NDE1: variants seen among roughly 807,000 people sequenced by gnomAD.
NDE1 encodes the protein nudE neurodevelopment protein 1.
In NDE1, 28 loss-of-function variants were observed where a neutral mutation model predicts 43.4. That is an observed-to-expected ratio of 0.65 (90% CI 0.48 to 0.89). NDE1 has a LOEUF of 0.89. Ranked by LOEUF, NDE1 falls within the 40% of genes least tolerant of loss-of-function variation. The probability of loss-of-function intolerance (pLI) is 0.00; values close to 1 mark genes in which losing one functional copy is unlikely to be tolerated. For synonymous variants in NDE1, 184 were observed against 172.0 expected, an observed-to-expected ratio of 1.07 and a Z score of -0.55; for missense variants, 441 against 434.1, an observed-to-expected ratio of 1.02 and a Z score of -0.14.
chr16:15,695,768 T>C (rs1053356995), intron 7 of NDE1: 31 of 932,184 alleles, frequency 3.3e-5, no homozygotes, highest in Middle Eastern at 5.5e-4. Flanking sequence ...TGGTTTGCTA[T>C]TCTAGAAGCA....
intron 8 of NDE1, 35 bp downstream of exon 8, chr16:15,696,895 G>A: frequency 3.1e-6 from 5 of 1,606,880 alleles, no homozygotes; most frequent in Admixed American, 1.7e-5. Flanking sequence ...CGCTGGCGGG[G>A]AGAACCCGCC....
In NDE1 at chr16:15,687,219, A is replaced by G. The variant is rs753600196; in HGVS notation, c.387-156A>G. Reference sequence around the variant, plus strand: ...TGCAGGTAAAGAGCCCATGCCCCAGAAGGTTAAGGGACTTGGCCCACTCTG... The same window carrying G: ...TGCAGGTAAAGAGCCCATGCCCCAGGAGGTTAAGGGACTTGGCCCACTCTG... On this transcript the variant is annotated intron_variant, in intron 4 of 8. Coordinates refer to ENST00000396354, the MANE Select transcript of NDE1 (RefSeq NM_017668.3). 6.5e-6 allele frequency: 10 copies of G among 1,542,168 alleles called. No homozygotes were observed. The South Asian group carries it at 9.4e-5, about 14-fold the overall frequency.
At chr16:15,718,652 A>T in intron 8 of NDE1, 1 of 658,950 alleles carries the variant, frequency 1.5e-6, no homozygotes, top group East Asian at 2.8e-5. Context: ...TGGGATTGGG[A>T]TGGGGACCAG....
At chr16:15,660,847 C>T (rs1433406617) in intron 1 of NDE1, among the ~76,000 whole-genome samples, 1 of 152,128 alleles carries the variant, frequency 6.6e-6, no homozygotes, top group African/African-American at 2.4e-5. Context: ...TCCTGATTCT[C>T]ATCTCTCTCA....
At chr16:15,720,222 C>T in intron 8 of NDE1, 1 of 1,614,126 alleles carries the variant, frequency 6.2e-7, no homozygotes. Flanking sequence ...AGCTCCAGGT[C>T]TTTCAGGTCC....
rs1567613374 is a variant in NDE1 at position 15,652,000 on chromosome 16, CGG to C, written c.-44+1708_-44+1709del. On this transcript the variant is annotated intron_variant, in intron 1 of 8. Coordinates refer to ENST00000396354, the MANE Select transcript of NDE1 (RefSeq NM_017668.3). ...TCGACTCACTGCAACCTCAGTCCTC[CGG>C]GTTCAAGTGATTCTTCTGCCTCACC... 9 of 152,072 alleles carry C rather than the reference CGG, an allele frequency of 5.9e-5. No homozygotes were observed. The East Asian group carries it at 1.7e-3, about 29-fold the overall frequency. 9.4% of individuals were successfully genotyped at this position (152,072 alleles called of 1,614,324 possible).
intron 7 of NDE1, chr16:15,694,984 A>G: frequency 1.2e-6 from 1 of 853,954 alleles, no homozygotes; most frequent in Non-Finnish European, 1.4e-6. Context: ...CAGCCCGGGC[A>G]ACATGGTGAA....
intron 1 of NDE1, among the ~76,000 whole-genome samples, chr16:15,656,386 T>C (rs1297878367): frequency 3.9e-5 from 6 of 152,122 alleles, no homozygotes; most frequent in Non-Finnish European, 5.9e-5. Context: ...ATCCCTCCCA[T>C]TGGCCCGTTG....
At chr16:15,649,904 G>A (rs1047153179), upstream of NDE1, among the ~76,000 whole-genome samples, 4 of 152,206 alleles carry the variant, frequency 2.6e-5, no homozygotes, top group African/African-American at 7.2e-5. Context: ...AAATGCAATC[G>A]AAGTGAAGGA....
At position 15,703,384 on chromosome 16, in the gene NDE1, C is replaced by T. The variant is rs1308010477; in HGVS notation, c.947+6524C>T. ...GGAATGAATTGGGAGTGGGGGCCGG[C>T]GGCACCCATTTCGGTGACTTTCTCC... On this transcript the variant is annotated intron_variant, in intron 8 of 8. Coordinates refer to ENST00000396354, the MANE Select transcript of NDE1 (RefSeq NM_017668.3). The T allele has an allele frequency of 4.6e-5, 11 of 237,350 alleles. No individual in the cohort carries two copies. Among genetic ancestry groups the T allele is most frequent in the African/African-American group, 6.6e-5 (3 of 45,150 alleles). 14.7% of individuals were successfully genotyped at this position (237,350 alleles called of 1,614,324 possible). A position where few individuals can be genotyped will look rare whatever the true frequency, so the allele number is the denominator to read the frequency against.
rs913139585 is a variant in NDE1 at position 15,717,474 on chromosome 16, T to C, written c.948-6717T>C. The C allele has an allele frequency of 2.3e-5, 21 of 931,240 alleles. 1 individual carries two copies. In the South Asian group the frequency reaches 2.8e-4, roughly 13 times the overall value. The allele number at this position is 931,240 out of a possible 1,614,324, so 57.7% of individuals were successfully genotyped here. Reference sequence around the variant, plus strand: ...CCTTGATCCCGGGCACCCTGTCCTCTCCTTCATCCTGTAAAACTCCACTCA... The same window carrying C: ...CCTTGATCCCGGGCACCCTGTCCTCCCCTTCATCCTGTAAAACTCCACTCA... On this transcript the variant is annotated intron_variant, in intron 8 of 8. Transcript: ENST00000396354.
chr16:15,689,938 CAAA>C (rs34081814), intron 5 of NDE1, among the ~76,000 whole-genome samples: 13 of 95,050 alleles, frequency 1.4e-4, no homozygotes, highest in Admixed American at 3.4e-4. Context: ...AACTCCATCT[CAAA>C]AAAAAAAAAA....
chr16:15,689,621 C>T (rs889012216), intron 5 of NDE1, among the ~76,000 whole-genome samples: 18 of 152,140 alleles, frequency 1.2e-4, no homozygotes, highest in African/African-American at 4.1e-4. Flanking sequence ...TAGATACATA[C>T]ATATGTATAA....
rs753482794 is a variant in NDE1 at position 15,717,346 on chromosome 16, G to C, written c.948-6845G>C. 1.2e-6 allele frequency: 2 copies of C among 1,605,752 alleles called. No individual in the cohort carries two copies. Among genetic ancestry groups the C allele is most frequent in the Admixed American group, 1.7e-5 (1 of 59,996 alleles). ...TGGCCAGCTCGTTGCTGAGCTGCTC[G>C]GCCTGGGGAGGAGAGTGAAGGCCAT... On this transcript the variant is annotated intron_variant, in intron 8 of 8. Transcript: ENST00000396354.
intron 2 of NDE1, among the ~76,000 whole-genome samples, chr16:15,667,024 T>C (rs1385525815): frequency 2.0e-5 from 3 of 152,146 alleles, no homozygotes; most frequent in Admixed American, 6.6e-5. Context: ...GGCAGGCAGA[T>C]CACCTCCAGT....
At chr16:15,699,585 TTCA>T (rs780955261) in intron 8 of NDE1, 3 of 1,202,266 alleles carry the variant, frequency 2.5e-6, no homozygotes, top group South Asian at 3.0e-5. Flanking sequence ...TGTCCTCTTC[TTCA>T]TTTCACAGGA....
At chr16:15,687,233 T>G in intron 4 of NDE1, 142 bp from the exon 5 acceptor site, 1 of 1,559,212 alleles carries the variant, frequency 6.4e-7, no homozygotes, top group Non-Finnish European at 8.7e-7. Context: ...TTAAGGGACT[T>G]GGCCCACTCT....
At chr16:15,703,020 G>A (rs1309787814) in intron 8 of NDE1, among the ~76,000 whole-genome samples, 1 of 152,134 alleles carries the variant, frequency 6.6e-6, no homozygotes, top group Non-Finnish European at 1.5e-5. Flanking sequence ...CTCAGTTTCT[G>A]CATTCATGAC....
chr16:15,724,482 TGA>T lies in NDE1; in HGVS notation c.*234_*235del. On this transcript the variant is annotated 3_prime_UTR_variant, in exon 9 of 9. Coordinates refer to ENST00000396354, the MANE Select transcript of NDE1 (RefSeq NM_017668.3). ...CCCCTGTCCCTGGCCCCACAGACTC[TGA>T]GAAGCGAAGACCATGTCTCCTCGTT... The T allele has an allele frequency of 6.2e-7, 1 of 1,609,342 alleles. No homozygotes were observed. Among genetic ancestry groups the T allele is most frequent in the Non-Finnish European group, 8.5e-7 (1 of 1,178,512 alleles).
Sources: gnomAD v4.1 joint callset for allele counts (sites outside exome capture counted in the v4.1 genomes callset) on GRCh38, gnomAD v4.1.1 for gene constraint, MANE v1.5 for transcripts, NCBI Gene and HGNC (gene_info 2026-07-23, HGNC 2026-07-21) for gene names.